Variants in TOX observed in about 807,000 individuals in gnomAD.
TOX encodes the protein thymocyte selection-associated high mobility group box protein TOX.
In TOX, 11 loss-of-function variants were observed where a neutral mutation model predicts 53.7. The observed-to-expected ratio is 0.20, with a 90% CI of 0.13 to 0.34. The LOEUF is 0.34. Among genes scored for constraint, TOX ranks in the 10% least tolerant of loss-of-function variants. The pLI is 1.00. For synonymous variants in TOX, 225 were observed against 245.3 expected (o/e 0.92, Z 0.77); for missense variants, 570 against 664.6 (o/e 0.86, Z 1.56).
chr8:59,100,042 T>C (rs2561145), intron 1 of TOX, among the ~76,000 whole-genome samples: 69,402 of 151,580 alleles, frequency 0.46, 19,070 homozygotes, highest in South Asian at 0.75. Flanking sequence ...TTTTTTTTTT[T>C]CCCATAAAAT....
chr8:59,003,837 G>C (rs969200634), intron 1 of TOX, among the ~76,000 whole-genome samples: 1 of 152,120 alleles, frequency 6.6e-6, no homozygotes, highest in African/African-American at 2.4e-5. Flanking sequence ...ATTTGTTTAA[G>C]CACAAACATG....
intron 1 of TOX, among the ~76,000 whole-genome samples, chr8:58,972,580 T>C (rs899899174): frequency 1.1e-4 from 17 of 152,216 alleles, no homozygotes; most frequent in African/African-American, 4.1e-4. Flanking sequence ...CATTGAATTA[T>C]CCATAACAAT....
intron 6 of TOX, among the ~76,000 whole-genome samples, chr8:58,820,094 C>A (rs1301457588): frequency 6.6e-6 from 1 of 152,080 alleles, no homozygotes; most frequent in Non-Finnish European, 1.5e-5. Flanking sequence ...AATTCAGACT[C>A]AATATTTGTC....
At chr8:59,090,533 C>T (rs1804591867) in intron 1 of TOX, among the ~76,000 whole-genome samples, 1 of 152,130 alleles carries the variant, frequency 6.6e-6, no homozygotes, top group South Asian at 2.1e-4. Context: ...CAAAATCATC[C>T]CCCACAGAAA....
At position 58,807,657 on chromosome 8, in the gene TOX, A is replaced by G; in HGVS notation, c.*90T>C. The G allele has an allele frequency of 6.7e-7, 1 of 1,489,958 alleles. No homozygotes were observed. Among genetic ancestry groups the G allele is most frequent in the Non-Finnish European group, 9.3e-7 (1 of 1,075,834 alleles). 92.3% of individuals were successfully genotyped at this position (1,489,958 alleles called of 1,614,324 possible). A position where few individuals can be genotyped will look rare whatever the true frequency, so the allele number is the denominator to read the frequency against. ...TGCTTAGCAACTTGTATTTTCTAAT[A>G]AAATGGAGAACTGCCTTGACTGTAC... On this transcript the variant is annotated 3_prime_UTR_variant, in exon 9 of 9. Transcript: ENST00000361421.
At chr8:59,066,882 T>C (rs1404477051) in intron 1 of TOX, among the ~76,000 whole-genome samples, 1 of 152,186 alleles carries the variant, frequency 6.6e-6, no homozygotes, top group African/African-American at 2.4e-5. Flanking sequence ...ATGACTAAAA[T>C]GCAACAAAAC....
Position 58,851,108 on chromosome 8 carries a change from C to T in TOX, c.693+416G>A, listed in dbSNP as rs548408212. 2.6e-5 allele frequency among the ~76,000 whole-genome samples: 4 copies of T among 151,416 alleles called. No individual in the cohort carries two copies. The highest frequency in any genetic ancestry group is 9.7e-5 in the African/African-American group (4 of 41,226). ...AATATGAAATGGTTGGGTCAGGTGG[C>T]CACAAAGGTTTCATGTAACATCATC... On this transcript the variant is annotated intron_variant, in intron 4 of 8. Transcript: ENST00000361421. The surrounding 1 kb of genome is among the most constrained non-coding windows in gnomAD (Gnocchi z 4.4).
At chr8:58,877,236 G>C (rs1309695325) in intron 3 of TOX, among the ~76,000 whole-genome samples, 1 of 152,022 alleles carries the variant, frequency 6.6e-6, no homozygotes, top group Non-Finnish European at 1.5e-5. Context: ...TATCTAGGTG[G>C]TCTATTGCAG....
At chr8:58,988,239 G>C (rs1210002612) in intron 1 of TOX, among the ~76,000 whole-genome samples, 3 of 152,184 alleles carry the variant, frequency 2.0e-5, no homozygotes, top group Non-Finnish European at 2.9e-5. Context: ...GATTTCGGCA[G>C]ATAAAAATAG....
chr8:59,079,788 C>T (rs1385241671), intron 1 of TOX, among the ~76,000 whole-genome samples: 1 of 152,142 alleles, frequency 6.6e-6, no homozygotes, highest in Non-Finnish European at 1.5e-5. Flanking sequence ...ATCCTCCAGA[C>T]CCAAGGATGG....
At chr8:58,968,183 G>T (rs893533048) in intron 1 of TOX, among the ~76,000 whole-genome samples, 1 of 152,120 alleles carries the variant, frequency 6.6e-6, no homozygotes, top group Admixed American at 6.5e-5. Context: ...TTTAAGAAAA[G>T]AATATGTGGA....
intron 1 of TOX, among the ~76,000 whole-genome samples, chr8:58,960,758 A>G (rs923054576): frequency 6.6e-6 from 1 of 152,246 alleles, no homozygotes; most frequent in Non-Finnish European, 1.5e-5. Flanking sequence ...TTCAAGCAAC[A>G]ACAACAATAA....
intron 2 of TOX, among the ~76,000 whole-genome samples, chr8:58,953,665 A>C (rs901657840): frequency 6.6e-6 from 1 of 152,194 alleles, no homozygotes; most frequent in Non-Finnish European, 1.5e-5. Context: ...AAGATGCCAG[A>C]CTTTGTTGGG....
At chr8:58,821,122 T>G (rs889277072) in intron 6 of TOX, among the ~76,000 whole-genome samples, 1 of 152,136 alleles carries the variant, frequency 6.6e-6, no homozygotes. Context: ...AAACTATAGA[T>G]GAATGCATTT....
chr8:58,856,688 C>A (rs190823103), intron 3 of TOX, among the ~76,000 whole-genome samples: 1 of 151,522 alleles, frequency 6.6e-6, no homozygotes, highest in African/African-American at 2.4e-5. Context: ...GAAATGTAAG[C>A]GGAATCCTCG....
intron 1 of TOX, among the ~76,000 whole-genome samples, chr8:59,031,956 T>G (rs9694192): frequency 1.3e-5 from 2 of 152,118 alleles, no homozygotes; most frequent in African/African-American, 4.8e-5. Context: ...AAGATTTGTA[T>G]GTGAATCAGT....
At chr8:58,936,040 A>G (rs1265311656) in intron 3 of TOX, among the ~76,000 whole-genome samples, 2 of 152,156 alleles carry the variant, frequency 1.3e-5, no homozygotes, top group South Asian at 2.1e-4. Flanking sequence ...TACCGCTGCT[A>G]TCTACACAGG....
At chr8:59,089,091 AC>A (rs1804561602) in intron 1 of TOX, among the ~76,000 whole-genome samples, 1 of 152,214 alleles carries the variant, frequency 6.6e-6, no homozygotes, top group Non-Finnish European at 1.5e-5. Flanking sequence ...ATGAACCTTA[AC>A]CCTCTGAAAT....
chr8:58,885,733 C>G (rs866553870), intron 3 of TOX, among the ~76,000 whole-genome samples: 2 of 152,078 alleles, frequency 1.3e-5, no homozygotes, highest in African/African-American at 4.8e-5. Context: ...ACAGATTAGT[C>G]TGGTGTGTTT....
Sources: gnomAD v4.1 joint callset for allele counts (sites outside exome capture counted in the v4.1 genomes callset) on GRCh38, gnomAD v4.1.1 for gene constraint, Gnocchi (gnomAD v3.1) non-coding constraint, MANE v1.5 for transcripts, NCBI Gene and HGNC (gene_info 2026-07-23, HGNC 2026-07-21) for gene names.